Variants in TRIM61 observed in about 807,000 individuals in gnomAD.
The protein encoded by TRIM61 is putative tripartite motif-containing protein 61.
Under a neutral mutation model 14.2 loss-of-function variants are expected in TRIM61, and 1 was observed. That is an observed-to-expected ratio of 0.07 (90% CI 0.03 to 0.33). The LOEUF (loss-of-function observed/expected upper bound fraction) is 0.33, where lower values mean the gene tolerates loss of function less well. Among genes scored for constraint, TRIM61 ranks in the 10% least tolerant of loss-of-function variants. The pLI, the probability that TRIM61 is intolerant of heterozygous loss-of-function variation, is 0.99. For missense variants in TRIM61, 19 were observed against 202.2 expected (o/e 0.09, Z 5.49); for synonymous variants, 8 against 71.6 (o/e 0.11, Z 4.49).
At chr4:164,961,594 A>G (rs573601676) in intron 3 of TRIM61, among the ~76,000 whole-genome samples, 1 of 150,974 alleles carries the variant, frequency 6.6e-6, no homozygotes, top group South Asian at 2.1e-4. Context: ...GAAATATTTG[A>G]AAAAAAAATG....
At chr4:164,968,360 A>G (rs996639585) in intron 3 of TRIM61, 5 of 965,132 alleles carry the variant, frequency 5.2e-6, no homozygotes, top group Non-Finnish European at 6.1e-6. Flanking sequence ...CTTCAGTAAT[A>G]TATGTTTCAA....
intron 3 of TRIM61, among the ~76,000 whole-genome samples, chr4:164,963,744 CAAAAA>C (rs70952672): frequency 2.6e-5 from 3 of 117,116 alleles, no homozygotes; most frequent in African/African-American, 6.2e-5. Flanking sequence ...AACTCTGTTT[CAAAAA>C]AAAAAAAAAA....
At chr4:164,966,526 T>C (rs1443588259) in intron 3 of TRIM61, among the ~76,000 whole-genome samples, 1 of 152,222 alleles carries the variant, frequency 6.6e-6, no homozygotes, top group Non-Finnish European at 1.5e-5. Flanking sequence ...TGACTGCCTC[T>C]AAAAAGCTGG....
At chr4:164,957,283 C>T (rs1732026225) in intron 3 of TRIM61, 3 of 1,614,196 alleles carry the variant, frequency 1.9e-6, no homozygotes, top group East Asian at 4.5e-5. Flanking sequence ...TCTCCGCGTG[C>T]CCTGTCAGCC....
intron 3 of TRIM61, among the ~76,000 whole-genome samples, chr4:164,964,107 T>C (rs1439025584): frequency 6.6e-6 from 1 of 151,736 alleles, no homozygotes; most frequent in Non-Finnish European, 1.5e-5. Flanking sequence ...CTCAGCACTT[T>C]GGGAGGCCGA....
In TRIM61 at chr4:164,968,473, T is replaced by TA. The variant is rs1032657090; in HGVS notation, c.525+1004dup. The TA allele has an allele frequency of 9.4e-4, 924 of 979,658 alleles. 10 individuals carry two copies. The South Asian group carries it at 0.022, about 23-fold the overall frequency. The allele number at this position is 979,658 out of a possible 1,614,324, so 60.7% of individuals were successfully genotyped here. A position where few individuals can be genotyped will look rare whatever the true frequency, so the allele number is the denominator to read the frequency against. On this transcript the variant is annotated intron_variant, in intron 3 of 4. Transcript: ENST00000329314. ...TTTTTGGAAGTTGCTGAAACTGAGA[T>TA]AAAAAAATATTGCTTTCTTATGGGA...
At chr4:164,970,617 T>G (rs1732342611) in intron 2 of TRIM61, among the ~76,000 whole-genome samples, 1 of 151,696 alleles carries the variant, frequency 6.6e-6, no homozygotes, top group African/African-American at 2.4e-5. Context: ...TAGAGAAAAT[T>G]AATTCAGATT....
At chr4:164,955,238 G>A (rs1731957415) in intron 3 of TRIM61, 1 of 154,006 alleles carries the variant, frequency 6.5e-6, no homozygotes, top group African/African-American at 2.4e-5. Flanking sequence ...TCACAGATTT[G>A]GACTTCTCAT....
intron 2 of TRIM61, among the ~76,000 whole-genome samples, chr4:164,975,958 C>T (rs570436111): frequency 1.3e-5 from 2 of 152,184 alleles, no homozygotes; most frequent in East Asian, 1.9e-4. Context: ...GGAGAAAAAC[C>T]GCCCTATGGT....
intron 3 of TRIM61, among the ~76,000 whole-genome samples, chr4:164,955,568 CA>C (rs10716862): frequency 0.27 from 20,907 of 77,530 alleles, 807 homozygotes; most frequent in East Asian, 0.49. Context: ...GATTCAGTCT[CA>C]AAAAAAAAAA....
chr4:164,974,675 T>C (rs911648451), intron 2 of TRIM61, among the ~76,000 whole-genome samples: 4 of 150,534 alleles, frequency 2.7e-5, no homozygotes, highest in African/African-American at 7.3e-5. Flanking sequence ...AGCCCAAGAG[T>C]TCAAGACCAG....
At chr4:164,957,446 G>A in intron 3 of TRIM61, 1 of 1,614,034 alleles carries the variant, frequency 6.2e-7, no homozygotes, top group Middle Eastern at 1.7e-4. Flanking sequence ...AAGGACTAGA[G>A]GGTTTGGGTC....
At chr4:164,967,227 A>C (rs1732262029) in intron 3 of TRIM61, among the ~76,000 whole-genome samples, 1 of 152,258 alleles carries the variant, frequency 6.6e-6, no homozygotes, top group Non-Finnish European at 1.5e-5. Context: ...CAAATTTCAG[A>C]GACAATTACA....
At position 164,955,049 on chromosome 4, in the gene TRIM61, C is replaced by G. The variant is rs917408753; in HGVS notation, c.573G>C (p.Ser191=). The change falls in exon 4 of 5, where the codon TCG becomes TCC. Residue 191 remains serine, a synonymous_variant. Transcript: ENST00000329314. ...CCGGGAGGCGGAGGTTGAAGTGAGC[C>G]GAGATCGTGCAACTGCACTCCAGCC... 11 of 226,958 alleles carry G rather than the reference C, an allele frequency of 4.8e-5. No homozygotes were observed. The highest frequency in any genetic ancestry group is 9.2e-5 in the Non-Finnish European group (10 of 109,248). 14.1% of individuals were successfully genotyped at this position (226,958 alleles called of 1,614,324 possible). A position where few individuals can be genotyped will look rare whatever the true frequency, so the allele number is the denominator to read the frequency against.
chr4:164,972,935 C>A (rs2111151999), intron 2 of TRIM61, among the ~76,000 whole-genome samples: 1 of 152,284 alleles, frequency 6.6e-6, no homozygotes, highest in South Asian at 2.1e-4. Context: ...CCATTCAGAA[C>A]CCTTCGTATT....
chr4:164,957,527 G>A (rs747614748), intron 3 of TRIM61: 12 of 1,568,022 alleles, frequency 7.7e-6, no homozygotes, highest in Non-Finnish European at 1.0e-5. Context: ...AAGCTCACAG[G>A]GGACATCTGA....
intron 3 of TRIM61, chr4:164,957,616 T>C: frequency 9.0e-7 from 1 of 1,110,602 alleles, no homozygotes. Context: ...AATACATGAA[T>C]GCTACCGAAG....
chr4:164,971,828 C>T (rs1342169711), intron 2 of TRIM61, among the ~76,000 whole-genome samples: 1 of 152,090 alleles, frequency 6.6e-6, no homozygotes. Context: ...ACCTAACCAT[C>T]AATACAGTAT....
chr4:164,970,647 C>T (rs1319146515), intron 2 of TRIM61, among the ~76,000 whole-genome samples: 1 of 151,808 alleles, frequency 6.6e-6, no homozygotes, highest in Non-Finnish European at 1.5e-5. Context: ...TCTTACAAGA[C>T]AACTGGTATG....
Sources: allele counts gnomAD v4.1 joint callset (sites outside exome capture counted in the v4.1 genomes callset), GRCh38; gene constraint gnomAD v4.1.1; transcripts MANE v1.5; gene names NCBI Gene and HGNC (gene_info 2026-07-23, HGNC 2026-07-21).